The following DCC variants were observed in gnomAD, a reference collection of about 807,000 sequenced individuals.
DCC encodes the protein DCC netrin 1 receptor, also known as netrin receptor DCC.
A neutral mutation model predicts 172.5 loss-of-function variants in DCC; 58 were observed. The ratio of observed to expected loss-of-function variants is 0.34; its 90% CI spans 0.27 to 0.42. DCC has a LOEUF of 0.42. Ranked by LOEUF, DCC falls within the 10% of genes least tolerant of loss-of-function variation. DCC has a pLI of 1.00. For missense variants in DCC, 1,740 were observed against 1,791.0 expected, an observed-to-expected ratio of 0.97 and a Z score of 0.51; for synonymous variants, 709 against 644.5, an observed-to-expected ratio of 1.10 and a Z score of -1.52.
intron 1 of DCC, among the ~76,000 whole-genome samples, chr18:52,499,651 C>T (rs73957910): frequency 0.057 from 8,703 of 152,156 alleles, 308 homozygotes; most frequent in South Asian, 0.12. Context: ...TTTAATGTTT[C>T]AACATTATTC....
At chr18:52,393,939 G>A (rs1986122450) in intron 1 of DCC, among the ~76,000 whole-genome samples, 1 of 151,960 alleles carries the variant, frequency 6.6e-6, no homozygotes, top group South Asian at 2.1e-4. Flanking sequence ...TTTCCTAAAT[G>A]CGTATTTTAA....
intron 8 of DCC, among the ~76,000 whole-genome samples, chr18:53,161,398 T>C (rs1227628460): frequency 1.3e-5 from 2 of 152,328 alleles, no homozygotes; most frequent in Non-Finnish European, 2.9e-5. Context: ...CTCTGGCTAC[T>C]CATTTTCAGG....
intron 15 of DCC, among the ~76,000 whole-genome samples, chr18:53,376,933 A>G (rs1214531528): frequency 1.3e-5 from 2 of 152,130 alleles, no homozygotes; most frequent in African/African-American, 4.8e-5. Context: ...TTACCACCTC[A>G]GTTCAGGCCC....
chr18:52,490,283 T>A (rs755017173), intron 1 of DCC, among the ~76,000 whole-genome samples: 4 of 152,018 alleles, frequency 2.6e-5, no homozygotes, highest in South Asian at 2.1e-4. Flanking sequence ...AAATAGGAAG[T>A]TTTCCTCTTG....
At chr18:52,969,617 C>CTCTG (rs2091793479) in intron 5 of DCC, among the ~76,000 whole-genome samples, 1 of 147,016 alleles carries the variant, frequency 6.8e-6, no homozygotes, top group Non-Finnish European at 1.5e-5. Context: ...CTCTCTCTCT[C>CTCTG]TCTCTTTCTG....
intron 14 of DCC, among the ~76,000 whole-genome samples, chr18:53,338,068 C>T (rs2057611948): frequency 6.6e-6 from 1 of 152,192 alleles, no homozygotes; most frequent in South Asian, 2.1e-4. Context: ...TGGGCACATT[C>T]TTTCTTACAT....
At chr18:52,472,943 A>G (rs1249611426) in intron 1 of DCC, among the ~76,000 whole-genome samples, 5 of 152,182 alleles carry the variant, frequency 3.3e-5, no homozygotes, top group Non-Finnish European at 5.9e-5. Flanking sequence ...AAGACCCTTA[A>G]TTTCGTAGAG....
At chr18:52,508,353 C>T (rs774895939) in intron 1 of DCC, among the ~76,000 whole-genome samples, 1 of 151,990 alleles carries the variant, frequency 6.6e-6, no homozygotes, top group African/African-American at 2.4e-5. Flanking sequence ...CCTAATTCTC[C>T]ACAAAAGCTG....
At chr18:53,390,218 G>A (rs11876878) in intron 16 of DCC, among the ~76,000 whole-genome samples, 63,965 of 151,262 alleles carry the variant, frequency 0.42, 15,302 homozygotes, top group Non-Finnish European at 0.55. Context: ...CCTGGGCTCT[G>A]TCATTAAATT....
rs145923902 is a variant in DCC at position 52,617,764 on chromosome 18, A to G, written c.92-134290A>G. Among the ~76,000 whole-genome samples the G allele has an allele frequency of 6.0e-4, 91 of 152,278 alleles. 1 individual carries two copies. The East Asian group carries it at 8.5e-3, about 14-fold the overall frequency. On this transcript the variant is annotated intron_variant, in intron 1 of 28. Coordinates refer to ENST00000442544, the MANE Select transcript of DCC (RefSeq NM_005215.4). ...AATGTTTTTTAGAACATTTTAGAAA[A>G]GAAAAAAATACAAAAGTAATGCTAT... is the stretch of plus-strand genomic sequence containing the variant.
chr18:53,227,564 T>C (rs1388038258), intron 12 of DCC, among the ~76,000 whole-genome samples: 2 of 152,188 alleles, frequency 1.3e-5, no homozygotes, highest in Non-Finnish European at 2.9e-5. Context: ...GTATAAAGTG[T>C]ATGTTGCATA....
At chr18:53,052,835 G>C (rs1457011656) in intron 5 of DCC, among the ~76,000 whole-genome samples, 1 of 151,908 alleles carries the variant, frequency 6.6e-6, no homozygotes, top group Non-Finnish European at 1.5e-5. Context: ...AACAGTAATT[G>C]CAACTTCTTC....
chr18:53,271,451 G>T (rs929100124), intron 12 of DCC, among the ~76,000 whole-genome samples: 1 of 152,180 alleles, frequency 6.6e-6, no homozygotes, highest in African/African-American at 2.4e-5. Flanking sequence ...CCACAATGCT[G>T]TCTCAAGTTA....
intron 5 of DCC, among the ~76,000 whole-genome samples, chr18:53,038,184 A>C (rs1162996749): frequency 6.6e-6 from 1 of 152,012 alleles, no homozygotes; most frequent in Non-Finnish European, 1.5e-5. Flanking sequence ...GCAAGAGACC[A>C]GTCCCTAAAC....
chr18:52,374,692 T>C (rs1985271988), intron 1 of DCC, among the ~76,000 whole-genome samples: 1 of 152,138 alleles, frequency 6.6e-6, no homozygotes, highest in Admixed American at 6.5e-5. Flanking sequence ...TAACATAATA[T>C]CAACTTTGAG....
intron 2 of DCC, among the ~76,000 whole-genome samples, chr18:52,817,100 T>C (rs1391519713): frequency 6.6e-6 from 1 of 152,142 alleles, no homozygotes; most frequent in African/African-American, 2.4e-5. Flanking sequence ...TCCAAATTAT[T>C]TATTGTTGAC....
At chr18:53,294,548 G>A (rs1484116564) in intron 12 of DCC, among the ~76,000 whole-genome samples, 1 of 152,178 alleles carries the variant, frequency 6.6e-6, no homozygotes, top group East Asian at 1.9e-4. Context: ...TTTTGGAAGG[G>A]AAGTCTGCCA....
At chr18:52,965,971 T>C (rs1024953254) in intron 5 of DCC, among the ~76,000 whole-genome samples, 1 of 152,152 alleles carries the variant, frequency 6.6e-6, no homozygotes, top group African/African-American at 2.4e-5. Flanking sequence ...TTCAATAAAC[T>C]CCACTGATGT....
rs1351991632 is a variant in DCC, at chr18:53,532,511, T to A, written c.*1858T>A. 6.6e-6 allele frequency: 1 copy of A among 152,212 alleles called. No individual in the cohort carries two copies. The highest frequency in any genetic ancestry group is 2.4e-5 in the African/African-American group (1 of 41,458). The allele number at this position is 152,212 out of a possible 1,614,324, so 9.4% of individuals were successfully genotyped here. A position where few individuals can be genotyped will look rare whatever the true frequency, so the allele number is the denominator to read the frequency against. ...TGTTCTATGGGACAGACTACTCTTA[T>A]TTAACATCTGGGCACTTAGGTAGAC... is the stretch of plus-strand genomic sequence containing the variant. On this transcript the variant is annotated 3_prime_UTR_variant, in exon 29 of 29. Transcript: ENST00000442544.
Sources: gnomAD v4.1 joint callset for allele counts (sites outside exome capture counted in the v4.1 genomes callset) on GRCh38, gnomAD v4.1.1 for gene constraint, MANE v1.5 for transcripts, NCBI Gene and HGNC (gene_info 2026-07-23, HGNC 2026-07-21) for gene names.